The following RASGRF1 variants were observed in gnomAD, a reference collection of about 807,000 sequenced individuals.
RASGRF1 encodes ras-specific guanine nucleotide-releasing factor 1.
Under a neutral mutation model 138.7 loss-of-function variants are expected in RASGRF1, and 40 were observed. The ratio of observed to expected loss-of-function variants is 0.29; its 90% CI spans 0.22 to 0.38. RASGRF1 has a LOEUF of 0.38. RASGRF1 is among the 10% of genes least tolerant of loss of function. The probability of loss-of-function intolerance (pLI) is 1.00; values close to 1 mark genes in which losing one functional copy is unlikely to be tolerated. For missense variants in RASGRF1, 1,108 were observed against 1,650.4 expected (o/e 0.67, Z 5.69); for synonymous variants, 614 against 663.2 (o/e 0.93, Z 1.14).
chr15:79,088,174 G>T (rs1961579), intron 1 of RASGRF1, among the ~76,000 whole-genome samples: 1 of 151,888 alleles, frequency 6.6e-6, no homozygotes, highest in Non-Finnish European at 1.5e-5. Flanking sequence ...GATTTACCCC[G>T]TTGTTGGGTA....
At chr15:79,024,183 C>T (rs891684528) in intron 10 of RASGRF1, among the ~76,000 whole-genome samples, 1 of 151,700 alleles carries the variant, frequency 6.6e-6, no homozygotes, top group African/African-American at 2.4e-5. Flanking sequence ...CCACCCACCA[C>T]ATACATACAT....
At chr15:79,031,289 C>T in intron 8 of RASGRF1, 111 bp downstream of exon 8, 2 of 845,700 alleles carry the variant, frequency 2.4e-6, no homozygotes, top group Non-Finnish European at 3.7e-6. Context: ...CCCTCCCTTA[C>T]AATCCCCATC....
rs568181551 is a variant in RASGRF1, at chr15:79,072,308, C to T, written c.277-7782G>A. On this transcript the variant is annotated intron_variant, in intron 1 of 26. Coordinates refer to ENST00000558480, the MANE Select transcript of RASGRF1 (RefSeq NM_001145648.3). ...TTTTTTTTTTTGAGACGCAGTCTCACTCTGTTGCCCAGGCTGGAGTGCAGT... is the reference window on the plus strand; with the variant it reads ...TTTTTTTTTTTGAGACGCAGTCTCATTCTGTTGCCCAGGCTGGAGTGCAGT... Among the ~76,000 whole-genome samples, 11 of 73,262 alleles carry T rather than the reference C, an allele frequency of 1.5e-4. No homozygotes were observed. The East Asian group carries it at 7.4e-3, about 49-fold the overall frequency. The allele number at this position is 73,262 out of a possible 152,430, so 48.1% of individuals were successfully genotyped here.
At chr15:79,019,163 C>G (rs1391023544) in intron 11 of RASGRF1, among the ~76,000 whole-genome samples, 1 of 152,122 alleles carries the variant, frequency 6.6e-6, no homozygotes, top group Non-Finnish European at 1.5e-5. Context: ...TGAGGTGCTT[C>G]AGACACAGCC....
intron 13 of RASGRF1, among the ~76,000 whole-genome samples, chr15:79,014,286 C>T (rs956325934): frequency 6.6e-6 from 1 of 152,200 alleles, no homozygotes; most frequent in African/African-American, 2.4e-5. Context: ...CAAAAAAGAT[C>T]CTTGCTCATG....
At chr15:78,962,361 C>A in intron 26 of RASGRF1, 125 bp from the exon 27 acceptor site, 1 of 642,364 alleles carries the variant, frequency 1.6e-6, no homozygotes. Flanking sequence ...GCATATGAGG[C>A]AAAAATGCAT....
Position 79,027,604 on chromosome 15 carries a change from G to T in RASGRF1, c.1381+137C>A. On this transcript the variant is annotated intron_variant, in intron 9 of 26. Coordinates refer to ENST00000558480, the MANE Select transcript of RASGRF1 (RefSeq NM_001145648.3). The surrounding 1 kb of genome is among the most constrained non-coding windows in gnomAD (Gnocchi z 4.8). Reference sequence around the variant, plus strand: ...GCTGTTGCATTCCGCCAGCAGCCTGGGAATATTCTGCAATCACATTGGCAG... The same window carrying T: ...GCTGTTGCATTCCGCCAGCAGCCTGTGAATATTCTGCAATCACATTGGCAG... 1.4e-6 allele frequency: 1 copy of T among 702,512 alleles called. No individual in the cohort carries two copies. Among genetic ancestry groups the T allele is most frequent in the Admixed American group, 2.5e-5 (1 of 39,958 alleles). 43.5% of individuals were successfully genotyped at this position (702,512 alleles called of 1,614,324 possible).
At chr15:79,063,775 C>T (rs1197344191) in intron 2 of RASGRF1, among the ~76,000 whole-genome samples, 2 of 152,148 alleles carry the variant, frequency 1.3e-5, no homozygotes, top group Admixed American at 6.6e-5. Context: ...CTCTGCCAGG[C>T]GATTGTCAGC....
chr15:79,004,410 GC>G (rs1040611615), intron 14 of RASGRF1, among the ~76,000 whole-genome samples: 5 of 152,034 alleles, frequency 3.3e-5, no homozygotes, highest in African/African-American at 9.6e-5. Flanking sequence ...TCTATGCTCC[GC>G]CCCCCCACCC....
intron 23 of RASGRF1, among the ~76,000 whole-genome samples, chr15:78,982,158 C>T (rs1368039469): frequency 6.6e-6 from 1 of 152,166 alleles, no homozygotes; most frequent in Non-Finnish European, 1.5e-5. Flanking sequence ...TCCAGGTGTT[C>T]CCTAAGGCAA....
At position 79,032,409 on chromosome 15, in the gene RASGRF1, G is replaced by C; in HGVS notation, c.959-93C>G. 6 of 1,252,916 alleles carry C rather than the reference G, an allele frequency of 4.8e-6. No individual in the cohort carries two copies. Among genetic ancestry groups the C allele is most frequent in the Non-Finnish European group, 6.7e-6 (6 of 891,632 alleles). 77.6% of individuals were successfully genotyped at this position (1,252,916 alleles called of 1,614,324 possible). ...GGCTCCCCCAGCTACACCCAGAGAG[G>C]CCAGGGGCCAGGTTCAAGTTCCCCA... On this transcript the variant is annotated intron_variant, in intron 6 of 26. Transcript: ENST00000558480. This position sits in a 1 kb window ranked among gnomAD's most constrained non-coding sequence, Gnocchi z 4.5.
chr15:79,081,258 C>G (rs982368629), intron 1 of RASGRF1, among the ~76,000 whole-genome samples: 1 of 152,218 alleles, frequency 6.6e-6, no homozygotes, highest in Non-Finnish European at 1.5e-5. Flanking sequence ...AATGGCCCAC[C>G]ACTAAAGCAC....
intron 1 of RASGRF1, among the ~76,000 whole-genome samples, chr15:79,071,592 A>T (rs1168353741): frequency 2.6e-5 from 4 of 151,470 alleles, no homozygotes; most frequent in Non-Finnish European, 5.9e-5. Context: ...CTGGTCTCGA[A>T]CACCTGTCCT....
At chr15:79,069,225 T>C (rs1287365760) in intron 1 of RASGRF1, among the ~76,000 whole-genome samples, 1 of 152,178 alleles carries the variant, frequency 6.6e-6, no homozygotes, top group African/African-American at 2.4e-5. Flanking sequence ...AACAGACACA[T>C]GAATGCTTCA....
intron 16 of RASGRF1, 27 bp downstream of exon 16, chr15:79,001,635 T>C (rs1314792264): frequency 6.2e-7 from 1 of 1,610,522 alleles, no homozygotes. Flanking sequence ...GGAAATCTAT[T>C]TGTGGTTTTG....
chr15:79,090,608 C>G lies in RASGRF1; in HGVS notation c.-110G>C. The G allele has an allele frequency of 1.4e-6, 2 of 1,450,690 alleles. No individual in the cohort carries two copies. Among genetic ancestry groups the G allele is most frequent in the Non-Finnish European group, 1.9e-6 (2 of 1,072,688 alleles). The allele number at this position is 1,450,690 out of a possible 1,614,324, so 89.9% of individuals were successfully genotyped here. ...TCTCTGGCGCTCGCTCGCTCGCTCC[C>G]TCTAGCTCTCCCCTCCCCCCAAATA... On this transcript the variant is annotated 5_prime_UTR_variant, in exon 1 of 27. Coordinates refer to ENST00000558480, the MANE Select transcript of RASGRF1 (RefSeq NM_001145648.3).
In RASGRF1 at chr15:79,025,650, G is replaced by A. The variant is rs2057036312; in HGVS notation, c.1382-176C>T. 2.6e-5 allele frequency among the ~76,000 whole-genome samples: 4 copies of A among 152,200 alleles called. No homozygotes were observed. The South Asian group carries it at 8.3e-4, about 32-fold the overall frequency. The stretch of plus-strand genomic sequence containing the variant: ...GGCCTCTCTGCAGGGCCAGATGGCT[G>A]AGGGATGAGAGGTGATCAGAGAAGC... On this transcript the variant is annotated intron_variant, in intron 9 of 26. Transcript: ENST00000558480.
At chr15:79,044,323 C>A (rs778945002) in intron 5 of RASGRF1, among the ~76,000 whole-genome samples, 8 of 152,224 alleles carry the variant, frequency 5.3e-5, no homozygotes, top group Non-Finnish European at 5.9e-5. Context: ...CCTGTAAACT[C>A]TCTCATGTCC....
At chr15:79,029,469 C>G (rs1032092177) in intron 8 of RASGRF1, among the ~76,000 whole-genome samples, 1 of 152,150 alleles carries the variant, frequency 6.6e-6, no homozygotes, top group Admixed American at 6.5e-5. Context: ...TAAGTTCCAG[C>G]CCCAGGTGGG....
Sources: gnomAD v4.1 joint callset for allele counts (sites outside exome capture counted in the v4.1 genomes callset) on GRCh38, gnomAD v4.1.1 for gene constraint, Gnocchi (gnomAD v3.1) non-coding constraint, MANE v1.5 for transcripts, NCBI Gene and HGNC (gene_info 2026-07-23, HGNC 2026-07-21) for gene names.